NAV2: variants seen among roughly 807,000 people sequenced by gnomAD.
NAV2 encodes the protein helicase, APC down-regulated 1.
In NAV2, 54 loss-of-function variants were observed where a neutral mutation model predicts 223.2. The ratio of observed to expected loss-of-function variants is 0.24; its 90% CI spans 0.19 to 0.30. The LOEUF is 0.30. Ranked by LOEUF, NAV2 falls within the 10% of genes least tolerant of loss-of-function variation. The pLI is 1.00. For synonymous variants in NAV2, 1,279 were observed against 1,239.3 expected (o/e 1.03, Z -0.67); for missense variants, 2,806 against 3,147.5 (o/e 0.89, Z 2.60).
intron 1 of NAV2, among the ~76,000 whole-genome samples, chr11:19,534,777 A>G (rs2044134880): frequency 6.6e-6 from 1 of 152,212 alleles, no homozygotes; most frequent in African/African-American, 2.4e-5. Flanking sequence ...GCCAGGAAAC[A>G]GACCCTAACC....
At chr11:19,577,267 A>G (rs1306032784) in intron 1 of NAV2, among the ~76,000 whole-genome samples, 1 of 152,276 alleles carries the variant, frequency 6.6e-6, no homozygotes, top group Non-Finnish European at 1.5e-5. Context: ...ATGTGTGGTC[A>G]GCCTCCATCA....
intron 1 of NAV2, among the ~76,000 whole-genome samples, chr11:19,478,393 G>A (rs1003365577): frequency 2.0e-5 from 3 of 152,170 alleles, no homozygotes; most frequent in Non-Finnish European, 4.4e-5. Context: ...AGGATGAGGT[G>A]AGGGGAGTTG....
At chr11:20,048,034 A>C (rs1367057534) in intron 14 of NAV2, among the ~76,000 whole-genome samples, 5 of 152,202 alleles carry the variant, frequency 3.3e-5, no homozygotes, top group Non-Finnish European at 7.3e-5. Flanking sequence ...GAGATGACAT[A>C]GAATAGCATT....
At chr11:19,746,068 A>G (rs4757841) in intron 1 of NAV2, among the ~76,000 whole-genome samples, 59,833 of 152,162 alleles carry the variant, frequency 0.39, 13,706 homozygotes, top group East Asian at 0.6. Context: ...GAAGACACTA[A>G]AACAGAGAAG....
In NAV2 at chr11:19,704,583, G is replaced by C. The variant is rs76539654; in HGVS notation, c.76-127901G>C. On this transcript the variant is annotated intron_variant, in intron 1 of 37. Coordinates refer to the NAV2 transcript ENST00000360655. ...ACTATCTACCTCATGAAATTGTTGT[G>C]AGCATGAGAAATCATGTATGTAAAA... is the stretch of plus-strand genomic sequence containing the variant. Among the ~76,000 whole-genome samples the C allele has an allele frequency of 8.7e-3, 1,319 of 152,290 alleles. 9 individuals are homozygous for C. The highest frequency in any genetic ancestry group is 0.03 in the African/African-American group (1,267 of 41,546).
intron 3 of NAV2, among the ~76,000 whole-genome samples, chr11:19,847,015 C>A (rs568362966): frequency 1.3e-5 from 2 of 152,292 alleles, no homozygotes; most frequent in South Asian, 4.1e-4. Flanking sequence ...AATAAGTTTG[C>A]GTGTGTGCGT....
intron 12 of NAV2, among the ~76,000 whole-genome samples, chr11:20,037,182 C>T (rs1309562927): frequency 2.0e-5 from 3 of 152,168 alleles, no homozygotes; most frequent in South Asian, 2.1e-4. Flanking sequence ...TTTGGCGAAC[C>T]CTTGGAGAAA....
intron 10 of NAV2, among the ~76,000 whole-genome samples, chr11:19,958,314 G>A (rs1344137949): frequency 5.3e-5 from 8 of 152,228 alleles, no homozygotes; most frequent in Non-Finnish European, 2.9e-5. Flanking sequence ...TATGCTAAAA[G>A]CACTGAGACC....
chr11:19,791,050 CT>C (rs2057482551), intron 1 of NAV2, among the ~76,000 whole-genome samples: 1 of 152,130 alleles, frequency 6.6e-6, no homozygotes, highest in Admixed American at 6.5e-5. Flanking sequence ...GATAAGGAAA[CT>C]AAGTCTCAGA....
chr11:20,023,226 A>C, intron 11 of NAV2: 1 of 1,031,300 alleles, frequency 9.7e-7, no homozygotes, highest in South Asian at 1.4e-5. Flanking sequence ...AGCCTGGTGG[A>C]GCAGCCTGTG....
intron 1 of NAV2, among the ~76,000 whole-genome samples, chr11:19,413,955 C>CAT (rs1850255328): frequency 5.9e-5 from 9 of 152,182 alleles, no homozygotes; most frequent in Non-Finnish European, 1.0e-4. Context: ...ATACCAGTCC[C>CAT]TGCAAAAACA....
intron 4 of NAV2, among the ~76,000 whole-genome samples, chr11:19,878,376 C>G (rs181834269): frequency 5.9e-5 from 9 of 152,294 alleles, no homozygotes; most frequent in Admixed American, 5.9e-4. Flanking sequence ...GTGCTTTTGC[C>G]TAAGTGCTCC....
At chr11:20,034,396 T>C (rs1478989395) in intron 11 of NAV2, among the ~76,000 whole-genome samples, 3 of 151,630 alleles carry the variant, frequency 2.0e-5, no homozygotes, top group Non-Finnish European at 4.4e-5. Context: ...TTGTTTGTTT[T>C]TGAGACAGAG....
At chr11:19,662,639 C>T (rs1308322457) in intron 1 of NAV2, among the ~76,000 whole-genome samples, 1 of 152,248 alleles carries the variant, frequency 6.6e-6, no homozygotes, top group Non-Finnish European at 1.5e-5. Flanking sequence ...TGGCACCGGA[C>T]AGGCCTGCCT....
intron 1 of NAV2, among the ~76,000 whole-genome samples, chr11:19,449,659 G>C (rs1479374004): frequency 1.3e-5 from 2 of 151,992 alleles, no homozygotes; most frequent in Non-Finnish European, 2.9e-5. Flanking sequence ...GGGTGCTTTT[G>C]TGACTTCCTA....
rs149523086 is a variant in NAV2, at chr11:20,045,434, C to T, written c.3666C>T (p.Ser1222=). The T allele has an allele frequency of 4.1e-5, 66 of 1,614,012 alleles. 1 individual carries two copies. Among genetic ancestry groups the T allele is most frequent in the Non-Finnish European group, 5.1e-5 (60 of 1,180,028 alleles). Reference sequence around the variant, plus strand: ...TAGATTCCAACATTAGCAGCAAGTCCGCAGGCCTGCCAGTGCCCAAACTGA... The same window carrying T: ...TAGATTCCAACATTAGCAGCAAGTCTGCAGGCCTGCCAGTGCCCAAACTGA... The part of the protein sequence containing the change: ...SSIDSNISSK[S]AGLPVPKLRE... Residue 1222 remains serine (S), a synonymous_variant, in exon 14 of 38, where the codon TCC becomes TCT. Transcript: ENST00000349880.
chr11:19,692,811 A>C (rs1182435798), intron 1 of NAV2, among the ~76,000 whole-genome samples: 1 of 152,156 alleles, frequency 6.6e-6, no homozygotes, highest in Non-Finnish European at 1.5e-5. Context: ...GCTAATATTC[A>C]AGTGTGTGCA....
chr11:19,910,740 C>T (rs1293075947), intron 6 of NAV2, among the ~76,000 whole-genome samples: 1 of 152,106 alleles, frequency 6.6e-6, no homozygotes, highest in Admixed American at 6.5e-5. Flanking sequence ...TGCCTGTAAT[C>T]CCAGCTACTC....
At chr11:20,034,367 T>G (rs1383186358) in intron 11 of NAV2, among the ~76,000 whole-genome samples, 3 of 99,312 alleles carry the variant, frequency 3.0e-5, no homozygotes, top group Non-Finnish European at 7.0e-5. Flanking sequence ...TTTTTGTTTT[T>G]TTTTTTTTTT....
Sources: allele counts gnomAD v4.1 joint callset (sites outside exome capture counted in the v4.1 genomes callset), GRCh38; gene constraint gnomAD v4.1.1; transcripts MANE v1.5; gene names NCBI Gene and HGNC (gene_info 2026-07-23, HGNC 2026-07-21).